The following DERA variants were observed in gnomAD, a reference collection of about 807,000 sequenced individuals.
The protein encoded by DERA is deoxyribose-phosphate aldolase, also known as 2-deoxy-D-ribose 5-phosphate aldolase.
A neutral mutation model predicts 41.1 loss-of-function variants in DERA; 15 were observed. The ratio of observed to expected loss-of-function variants is 0.37; its 90% CI spans 0.24 to 0.56. The LOEUF is 0.56. Among genes scored for constraint, DERA ranks in the 20% least tolerant of loss-of-function variants. The pLI is 0.81. For synonymous variants in DERA, 139 were observed against 137.4 expected (o/e 1.01, Z -0.08); for missense variants, 396 against 403.4 (o/e 0.98, Z 0.16).
intron 1 of DERA, among the ~76,000 whole-genome samples, chr12:15,952,121 G>T (rs796696793): frequency 1.3e-5 from 2 of 152,108 alleles, no homozygotes; most frequent in African/African-American, 4.8e-5. Context: ...GGCTGGTCTC[G>T]AACTCCTGAC....
chr12:15,943,959 A>G lies in DERA; in HGVS notation c.32-12977A>G, dbSNP rs961692644. Among the ~76,000 whole-genome samples the G allele has an allele frequency of 1.4e-4, 19 of 135,944 alleles. No homozygotes were observed. Among genetic ancestry groups the G allele is most frequent in the African/African-American group, 5.0e-4 (18 of 35,866 alleles). 89.2% of individuals were successfully genotyped at this position (135,944 alleles called of 152,430 possible). ...TGTTCTCATTGTTCAATTCCCACCT[A>G]TGAGTGAGAACATGCGGTGTTTGGT... On this transcript the variant is annotated intron_variant, in intron 1 of 8. Coordinates refer to ENST00000428559, the MANE Select transcript of DERA (RefSeq NM_015954.4). This position sits in a 1 kb window ranked among gnomAD's most constrained non-coding sequence, Gnocchi z 4.5.
intron 6 of DERA, among the ~76,000 whole-genome samples, chr12:16,022,732 T>G (rs1043746817): frequency 3.3e-5 from 5 of 152,172 alleles, no homozygotes; most frequent in African/African-American, 1.2e-4. Context: ...CCTGAGCGTC[T>G]CAGCTGAAAT....
intron 1 of DERA, among the ~76,000 whole-genome samples, chr12:15,933,633 T>C (rs1948345214): frequency 6.6e-6 from 1 of 152,162 alleles, no homozygotes; most frequent in African/African-American, 2.4e-5. Flanking sequence ...CATGCAACCA[T>C]ATTTTTACTC....
At chr12:15,945,290 G>C (rs1948438732) in intron 1 of DERA, among the ~76,000 whole-genome samples, 2 of 152,156 alleles carry the variant, frequency 1.3e-5, no homozygotes, top group Non-Finnish European at 2.9e-5. Context: ...GCTTGATGGG[G>C]ATGGCATTGA....
Position 16,003,711 on chromosome 12 carries a change from G to A in DERA, c.637+21275G>A, listed in dbSNP as rs929350148. Among the ~76,000 whole-genome samples, 4 of 152,110 alleles carry A rather than the reference G, an allele frequency of 2.6e-5. No homozygotes were observed. The highest frequency in any genetic ancestry group is 9.7e-5 in the African/African-American group (4 of 41,428). Reference sequence around the variant, plus strand: ...CAGGAAACAAGAGTGTCAATTTCTGGCTCATGAGTGAGAAGTATTCCTCCT... The same window carrying A: ...CAGGAAACAAGAGTGTCAATTTCTGACTCATGAGTGAGAAGTATTCCTCCT... On this transcript the variant is annotated intron_variant, in intron 6 of 8. Transcript: ENST00000428559. The surrounding 1 kb of genome is among the most constrained non-coding windows in gnomAD (Gnocchi z 4.8).
intron 6 of DERA, among the ~76,000 whole-genome samples, chr12:16,016,906 T>C (rs1311723854): frequency 1.3e-5 from 2 of 152,132 alleles, no homozygotes; most frequent in East Asian, 3.8e-4. Context: ...ACAGTTCATT[T>C]TGAACACCTT....
intron 1 of DERA, among the ~76,000 whole-genome samples, chr12:15,930,262 G>A (rs1211529303): frequency 6.6e-6 from 1 of 152,178 alleles, no homozygotes; most frequent in Non-Finnish European, 1.5e-5. Context: ...TTCAAAGAGT[G>A]TAGGCAGTTG....
At chr12:15,947,880 A>G (rs946373401) in intron 1 of DERA, among the ~76,000 whole-genome samples, 3 of 152,112 alleles carry the variant, frequency 2.0e-5, no homozygotes, top group Non-Finnish European at 2.9e-5. Flanking sequence ...TGCTTCCTTC[A>G]GGAGCTCTTT....
intron 1 of DERA, among the ~76,000 whole-genome samples, chr12:15,934,633 T>C (rs1469367523): frequency 2.0e-5 from 3 of 151,960 alleles, no homozygotes; most frequent in Non-Finnish European, 4.4e-5. Flanking sequence ...CTTGGAACTA[T>C]AGTAAATTCA....
chr12:15,974,398 T>G (rs74065524), intron 5 of DERA, among the ~76,000 whole-genome samples: 4,449 of 152,296 alleles, frequency 0.029, 221 homozygotes, highest in African/African-American at 0.1. Flanking sequence ...CCCTTGTCTT[T>G]GACGATTACG....
At position 15,998,789 on chromosome 12, in the gene DERA, A is replaced by G. The variant is rs187809458; in HGVS notation, c.637+16353A>G. On this transcript the variant is annotated intron_variant, in intron 6 of 8. Coordinates refer to ENST00000428559, the MANE Select transcript of DERA (RefSeq NM_015954.4). The surrounding 1 kb of genome is among the most constrained non-coding windows in gnomAD (Gnocchi z 4.8). ...TTTGGACCGCTGAACTTACATCCCCAAAGAAACAAGATTGTACATTGTTGT... is the reference window on the plus strand; with the variant it reads ...TTTGGACCGCTGAACTTACATCCCCGAAGAAACAAGATTGTACATTGTTGT... 9.2e-4 allele frequency among the ~76,000 whole-genome samples: 140 copies of G among 152,298 alleles called. No homozygotes were observed. The highest frequency in any genetic ancestry group is 3.2e-3 in the African/African-American group (135 of 41,564).
chr12:15,914,462 G>C (rs1157730653), intron 1 of DERA, among the ~76,000 whole-genome samples: 2 of 152,052 alleles, frequency 1.3e-5, no homozygotes, highest in East Asian at 3.9e-4. Flanking sequence ...TTCTTACTTG[G>C]GGGAACTGGG....
In DERA at chr12:15,988,740, C is replaced by G. The variant is rs1047018508; in HGVS notation, c.637+6304C>G. Reference sequence around the variant, plus strand: ...GTGGGGCTTCACCAGGGACCCATCCCTTCCTGCCTAGGAACCTGTCTGCCT... The same window carrying G: ...GTGGGGCTTCACCAGGGACCCATCCGTTCCTGCCTAGGAACCTGTCTGCCT... On this transcript the variant is annotated intron_variant, in intron 6 of 8. Transcript: ENST00000428559. This position sits in a 1 kb window ranked among gnomAD's most constrained non-coding sequence, Gnocchi z 6.0. Among the ~76,000 whole-genome samples the G allele has an allele frequency of 2.0e-5, 3 of 152,128 alleles. No individual in the cohort carries two copies.
At chr12:15,919,566 T>C (rs1948226294) in intron 1 of DERA, among the ~76,000 whole-genome samples, 1 of 152,224 alleles carries the variant, frequency 6.6e-6, no homozygotes, top group Non-Finnish European at 1.5e-5. Flanking sequence ...TTGATGTGTG[T>C]TGTGTATGTG....
chr12:16,026,648 ATT>A lies in DERA; in HGVS notation c.638-5892_638-5891del, dbSNP rs1949055366. 6.6e-6 allele frequency among the ~76,000 whole-genome samples: 1 copy of A among 150,952 alleles called. No homozygotes were observed. Among genetic ancestry groups the A allele is most frequent in the South Asian group, 2.1e-4 (1 of 4,826 alleles). ...ATTATATAAAATTATTTATTTAAAA[ATT>A]TAACAAATTACTAAAAACTATTTAT... On this transcript the variant is annotated intron_variant, in intron 6 of 8. Transcript: ENST00000428559. This position sits in a 1 kb window ranked among gnomAD's most constrained non-coding sequence, Gnocchi z 4.4.
In DERA at chr12:15,984,225, A is replaced by G. The variant is rs115151641; in HGVS notation, c.637+1789A>G. ...TACCCCAGCTGTTATCCTGGTCACA[A>G]TGAAAGTGTATTCATTCTGGGAGGT... is the stretch of plus-strand genomic sequence containing the variant. On this transcript the variant is annotated intron_variant, in intron 6 of 8. Coordinates refer to ENST00000428559, the MANE Select transcript of DERA (RefSeq NM_015954.4). This position sits in a 1 kb window ranked among gnomAD's most constrained non-coding sequence, Gnocchi z 4.5. 2.7e-3 allele frequency among the ~76,000 whole-genome samples: 418 copies of G among 152,264 alleles called. No individual in the cohort carries two copies. The highest frequency in any genetic ancestry group is 9.5e-3 in the African/African-American group (395 of 41,554).
rs1349767552 is a variant in DERA at position 15,998,107 on chromosome 12, T to C, written c.637+15671T>C. 6.6e-6 allele frequency among the ~76,000 whole-genome samples: 1 copy of C among 152,160 alleles called. No homozygotes were observed. The highest frequency in any genetic ancestry group is 2.4e-5 in the African/African-American group (1 of 41,428). On this transcript the variant is annotated intron_variant, in intron 6 of 8. Coordinates refer to ENST00000428559, the MANE Select transcript of DERA (RefSeq NM_015954.4). This position sits in a 1 kb window ranked among gnomAD's most constrained non-coding sequence, Gnocchi z 4.8. The stretch of plus-strand genomic sequence containing the variant: ...TCAACCTGGGCTGCACATTAGAGTT[T>C]CCTGGCAAGCTTCTTTAATGAACTG...
Position 15,959,853 on chromosome 12 carries a change from T to C in DERA, c.302T>C (p.Val101Ala). 6.5e-7 allele frequency: 1 copy of C among 1,548,668 alleles called. No individual in the cohort carries two copies. Among genetic ancestry groups the C allele is most frequent in the Non-Finnish European group, 8.7e-7 (1 of 1,143,948 alleles). The change falls in exon 4 of 9, where the codon GTT (valine) becomes GCT (alanine). Residue 101 changes from valine to alanine, a missense_variant. Coordinates refer to ENST00000428559, the MANE Select transcript of DERA (RefSeq NM_015954.4). The surrounding 1 kb of genome is among the most constrained non-coding windows in gnomAD (Gnocchi z 4.5). ...GGCATTACTACAGCCGCCGTTTGTGTTTATCCCGCCCGGGTGTGTGATGCT... is the reference window on the plus strand; with the variant it reads ...GGCATTACTACAGCCGCCGTTTGTGCTTATCCCGCCCGGGTGTGTGATGCT... Reference protein sequence around the residue: ...DKGITTAAVCVYPARVCDAVK... With the variant: ...DKGITTAAVCAYPARVCDAVK...
rs1391841748 is a variant in DERA at position 16,010,967 on chromosome 12, A to G, written c.638-21575A>G. Among the ~76,000 whole-genome samples the G allele has an allele frequency of 6.6e-6, 1 of 152,212 alleles. No individual in the cohort carries two copies. Among genetic ancestry groups the G allele is most frequent in the Non-Finnish European group, 1.5e-5 (1 of 68,024 alleles). Reference sequence around the variant, plus strand: ...TCAAATACGTTCTGCATTGTTTTTAAAAGCTTTGTGTTTAAAATTCATAGC... The same window carrying G: ...TCAAATACGTTCTGCATTGTTTTTAGAAGCTTTGTGTTTAAAATTCATAGC... On this transcript the variant is annotated intron_variant, in intron 6 of 8. Transcript: ENST00000428559. The surrounding 1 kb of genome is among the most constrained non-coding windows in gnomAD (Gnocchi z 5.5).
Sources: allele counts gnomAD v4.1 joint callset (sites outside exome capture counted in the v4.1 genomes callset), GRCh38; gene constraint gnomAD v4.1.1; non-coding constraint Gnocchi (gnomAD v3.1); transcripts MANE v1.5; gene names NCBI Gene and HGNC (gene_info 2026-07-23, HGNC 2026-07-21).